The following CHD7 variants were observed in gnomAD, a reference collection of about 807,000 sequenced individuals.
CHD7 encodes ATP-dependent chromatin remodeler CHD7.
In CHD7, 24 loss-of-function variants were observed where a neutral mutation model predicts 307.3. The ratio of observed to expected loss-of-function variants is 0.08; its 90% confidence interval spans 0.06 to 0.11. The LOEUF is 0.11. Among genes scored for constraint, CHD7 ranks in the 10% least tolerant of loss-of-function variants. CHD7 has a pLI of 1.00. For synonymous variants in CHD7, 1,363 were observed against 1,349.9 expected (o/e 1.01, Z -0.21); for missense variants, 3,106 against 3,727.1 (o/e 0.83, Z 4.34).
chr8:60,798,959 C>G (rs550870005), intron 4 of CHD7, among the ~76,000 whole-genome samples: 380 of 152,182 alleles, frequency 2.5e-3, no homozygotes, highest in Non-Finnish European at 4.4e-3. Context: ...TGTTCTGTTC[C>G]ATTTGCTTCT....
intron 1 of CHD7, among the ~76,000 whole-genome samples, chr8:60,693,742 A>G (rs1806317836): frequency 6.6e-6 from 1 of 152,258 alleles, no homozygotes; most frequent in South Asian, 2.1e-4. Context: ...CTGGCGGGAC[A>G]CCGTGGGTTA....
chr8:60,836,161 T>A lies in CHD7; in HGVS notation c.3867T>A (p.Ala1289=), dbSNP rs369188078. 29 of 1,613,722 alleles carry A rather than the reference T, an allele frequency of 1.8e-5. No homozygotes were observed. Among genetic ancestry groups the A allele is most frequent in the Non-Finnish European group, 2.3e-5 (27 of 1,179,856 alleles). Residue 1289 remains alanine (A), a synonymous_variant, in exon 16 of 38, where the codon GCT becomes GCA. Transcript: ENST00000423902. ...DFQLQAMIQA[A]GKLVLIDKLL... is the part of the protein sequence containing the mutation. ...AGCTCCAGGCAATGATCCAGGCTGCTGGCAAGCTAGTGCTGATTGACAAGC... is the reference window on the plus strand; with the variant it reads ...AGCTCCAGGCAATGATCCAGGCTGCAGGCAAGCTAGTGCTGATTGACAAGC...
chr8:60,855,747 G>A (rs1044208934), intron 32 of CHD7, among the ~76,000 whole-genome samples: 4 of 152,212 alleles, frequency 2.6e-5, no homozygotes, highest in Non-Finnish European at 5.9e-5. Context: ...AAAATAGCAT[G>A]TTTTCTGTGT....
At chr8:60,816,981 GTAA>G (rs1415147288) in intron 8 of CHD7, among the ~76,000 whole-genome samples, 1 of 152,220 alleles carries the variant, frequency 6.6e-6, no homozygotes, top group Admixed American at 6.5e-5. Context: ...GTAGAAACTG[GTAA>G]TAATATCTTT....
chr8:60,691,707 T>G (rs373645146), intron 1 of CHD7, among the ~76,000 whole-genome samples: 1 of 152,254 alleles, frequency 6.6e-6, no homozygotes, highest in East Asian at 1.9e-4. Context: ...AGAGTTGTTT[T>G]GCGGAAATAA....
intron 2 of CHD7, among the ~76,000 whole-genome samples, chr8:60,746,008 C>T (rs1396326789): frequency 6.6e-6 from 1 of 152,092 alleles, no homozygotes; most frequent in Admixed American, 6.6e-5. Context: ...TGTCATTTCC[C>T]ATGTAGATAC....
intron 1 of CHD7, among the ~76,000 whole-genome samples, chr8:60,737,159 AT>A (rs1418386999): frequency 6.6e-6 from 1 of 151,916 alleles, no homozygotes; most frequent in East Asian, 1.9e-4. Context: ...CCCGTTTTTC[AT>A]TTGACTATTT....
chr8:60,857,696 T>C (rs1327210947), intron 34 of CHD7, among the ~76,000 whole-genome samples: 2 of 152,202 alleles, frequency 1.3e-5, no homozygotes, highest in African/African-American at 4.8e-5. Context: ...TCCTGGACCC[T>C]TCTTCAAGCA....
chr8:60,693,188 C>T (rs1351675929), intron 1 of CHD7, among the ~76,000 whole-genome samples: 1 of 152,216 alleles, frequency 6.6e-6, no homozygotes, highest in Non-Finnish European at 1.5e-5. Flanking sequence ...CCCTCCGCGA[C>T]ACCCCCTTGG....
intron 13 of CHD7, among the ~76,000 whole-genome samples, chr8:60,828,084 G>T (rs1804336955): frequency 6.6e-6 from 1 of 151,940 alleles, no homozygotes; most frequent in South Asian, 2.1e-4. Flanking sequence ...ACCTAACTTG[G>T]TTCAAAGAGA....
At chr8:60,680,883 G>A (rs1005743207) in intron 1 of CHD7, among the ~76,000 whole-genome samples, 1 of 152,146 alleles carries the variant, frequency 6.6e-6, no homozygotes, top group Non-Finnish European at 1.5e-5. Flanking sequence ...CTTAAAAAGT[G>A]TCCCTTTTGG....
In CHD7 at chr8:60,830,505, G is replaced by A. The variant is rs771781756; in HGVS notation, c.3706G>A (p.Ala1236Thr). The A allele has an allele frequency of 9.3e-6, 15 of 1,613,848 alleles. No individual in the cohort carries two copies. The Admixed American group carries it at 1.5e-4, about 16-fold the overall frequency. The change falls in exon 15 of 38, where the codon GCT (alanine) becomes ACT (threonine). Residue 1236 changes from alanine to threonine, a missense_variant. This residue lies in a region of CHD7 where 232 missense variants were observed against 422.5 expected (regional missense o/e 0.55). Coordinates refer to ENST00000423902, the MANE Select transcript of CHD7 (RefSeq NM_017780.4). ...FTFLSKGGGQ[A>T]NVPNLLNTMM... ...ATTTCTTTCCAAAGGCGGTGGTCAAGCTAACGTACCTAACCTATTAAACAC... is the reference window on the plus strand; with the variant it reads ...ATTTCTTTCCAAAGGCGGTGGTCAAACTAACGTACCTAACCTATTAAACAC...
chr8:60,787,232 C>T (rs754673605), intron 3 of CHD7, among the ~76,000 whole-genome samples: 2 of 152,124 alleles, frequency 1.3e-5, no homozygotes, highest in Non-Finnish European at 2.9e-5. Flanking sequence ...TCACCTGAGG[C>T]ACCTGATTGA....
intron 2 of CHD7, among the ~76,000 whole-genome samples, chr8:60,747,155 C>T (rs1290001025): frequency 1.3e-5 from 2 of 152,206 alleles, no homozygotes; most frequent in African/African-American, 4.8e-5. Flanking sequence ...TGGCTCACTG[C>T]AACCTCCTTC....
intron 1 of CHD7, among the ~76,000 whole-genome samples, chr8:60,683,232 A>G (rs78182220): frequency 0.01 from 1,530 of 152,358 alleles, 30 homozygotes; most frequent in African/African-American, 0.035. Context: ...CTTTAAAAAA[A>G]TTGTTGACAT....
intron 1 of CHD7, among the ~76,000 whole-genome samples, chr8:60,737,688 A>C (rs1346771524): frequency 6.6e-6 from 1 of 152,214 alleles, no homozygotes; most frequent in Non-Finnish European, 1.5e-5. Flanking sequence ...ACTGAGTAGA[A>C]ACTTGAATTA....
chr8:60,732,780 C>T (rs1808517199), intron 1 of CHD7, among the ~76,000 whole-genome samples: 1 of 152,262 alleles, frequency 6.6e-6, no homozygotes, highest in Admixed American at 6.5e-5. Flanking sequence ...TAAGTCTGCA[C>T]TGTAAGCATT....
intron 2 of CHD7, among the ~76,000 whole-genome samples, chr8:60,759,768 T>C (rs1810083370): frequency 6.6e-6 from 1 of 152,134 alleles, no homozygotes; most frequent in Non-Finnish European, 1.5e-5. Context: ...ATGTGTTAAA[T>C]AATGAGTTTA....
chr8:60,844,772 C>T, intron 21 of CHD7, 92 bp from the exon 22 acceptor site: 1 of 1,072,130 alleles, frequency 9.3e-7, no homozygotes, highest in Non-Finnish European at 1.3e-6. Context: ...CTAGTTTTGA[C>T]CCAGGATTTC....
Sources: allele counts gnomAD v4.1 joint callset (sites outside exome capture counted in the v4.1 genomes callset), GRCh38; gene constraint gnomAD v4.1.1; regional missense constraint gnomAD v4.1.1; transcripts MANE v1.5; gene names NCBI Gene and HGNC (gene_info 2026-07-23, HGNC 2026-07-21).